Variants in GKAP1 observed in about 807,000 individuals in gnomAD.
The protein encoded by GKAP1 is G kinase-anchoring protein 1.
A neutral mutation model predicts 56.7 loss-of-function variants in GKAP1; 31 were observed. The ratio of observed to expected loss-of-function variants is 0.55; its 90% CI spans 0.41 to 0.74. GKAP1 has a LOEUF of 0.74. Ranked by LOEUF, GKAP1 falls within the 30% of genes least tolerant of loss-of-function variation. GKAP1 has a pLI of 0.00. For synonymous variants in GKAP1, 151 were observed against 138.6 expected (o/e 1.09, Z -0.63); for missense variants, 364 against 402.3 (o/e 0.90, Z 0.82).
At chr9:83,761,105 A>G (rs1002871225) in intron 8 of GKAP1, among the ~76,000 whole-genome samples, 5 of 151,830 alleles carry the variant, frequency 3.3e-5, no homozygotes, top group Non-Finnish European at 7.4e-5. Flanking sequence ...TTTTTTGAAA[A>G]ATTAAACTTG....
At chr9:83,803,772 G>A (rs1442955416) in intron 3 of GKAP1, among the ~76,000 whole-genome samples, 4 of 150,068 alleles carry the variant, frequency 2.7e-5, no homozygotes, top group Non-Finnish European at 5.9e-5. Context: ...AGTGAGGAGC[G>A]TCTCTGCCCG....
chr9:83,757,323 G>A (rs1943494053), intron 8 of GKAP1, among the ~76,000 whole-genome samples: 1 of 152,172 alleles, frequency 6.6e-6, no homozygotes, highest in Non-Finnish European at 1.5e-5. Flanking sequence ...AGTTAATTAA[G>A]TTAAGGATAT....
chr9:83,796,625 G>A (rs1373280570), intron 4 of GKAP1, among the ~76,000 whole-genome samples: 2 of 151,856 alleles, frequency 1.3e-5, no homozygotes, highest in Non-Finnish European at 1.5e-5. Flanking sequence ...GCACCATCAC[G>A]CCTGGCTAAT....
intron 5 of GKAP1, among the ~76,000 whole-genome samples, chr9:83,785,187 CA>C (rs1226105807): frequency 6.6e-6 from 1 of 151,980 alleles, no homozygotes; most frequent in Non-Finnish European, 1.5e-5. Context: ...AAGTTAAGGT[CA>C]ATCTCCTCTT....
At chr9:83,747,274 T>C (rs563452766) in intron 10 of GKAP1, among the ~76,000 whole-genome samples, 293 of 152,342 alleles carry the variant, frequency 1.9e-3, no homozygotes, top group African/African-American at 6.3e-3. Flanking sequence ...GGCTTTTGTA[T>C]ATCAGCTTTA....
At chr9:83,744,682 G>T (rs1005749289) in intron 10 of GKAP1, among the ~76,000 whole-genome samples, 2 of 152,076 alleles carry the variant, frequency 1.3e-5, no homozygotes, top group African/African-American at 4.8e-5. Context: ...AGTATTGTGG[G>T]GATTTTTTGT....
intron 8 of GKAP1, among the ~76,000 whole-genome samples, chr9:83,768,100 G>A (rs1459698371): frequency 6.6e-6 from 1 of 152,160 alleles, no homozygotes; most frequent in Admixed American, 6.6e-5. Flanking sequence ...TTGCCCTGTT[G>A]TAAAGGATAA....
At chr9:83,774,074 T>C (rs1587711777) in intron 7 of GKAP1, among the ~76,000 whole-genome samples, 2 of 152,052 alleles carry the variant, frequency 1.3e-5, no homozygotes, top group Middle Eastern at 6.8e-3. Context: ...TTCACCACAT[T>C]GGCCAGGCTG....
chr9:83,789,801 C>T (rs1944125213), intron 4 of GKAP1, among the ~76,000 whole-genome samples: 1 of 152,032 alleles, frequency 6.6e-6, no homozygotes, highest in Admixed American at 6.6e-5. Flanking sequence ...TGATAACCCT[C>T]GAAAAATGAC....
intron 9 of GKAP1, among the ~76,000 whole-genome samples, chr9:83,749,767 T>G (rs935351515): frequency 1.8e-4 from 19 of 102,950 alleles, no homozygotes; most frequent in Non-Finnish European, 3.5e-4. Context: ...TCCATTAAAT[T>G]GTTGATGATA....
chr9:83,797,028 A>G (rs1944259262), intron 4 of GKAP1, among the ~76,000 whole-genome samples: 1 of 152,102 alleles, frequency 6.6e-6, no homozygotes, highest in Non-Finnish European at 1.5e-5. Flanking sequence ...TGTGGCAGAA[A>G]CTTTTCTTCC....
At chr9:83,752,808 T>C (rs145676459) in intron 9 of GKAP1, among the ~76,000 whole-genome samples, 15 of 152,054 alleles carry the variant, frequency 9.9e-5, no homozygotes, top group Non-Finnish European at 1.9e-4. Context: ...CGGTGGCTCA[T>C]GCCTGTAATC....
At chr9:83,770,686 T>C (rs1379932870) in intron 7 of GKAP1, among the ~76,000 whole-genome samples, 1 of 151,924 alleles carries the variant, frequency 6.6e-6, no homozygotes, top group African/African-American at 2.4e-5. Flanking sequence ...CTCAGCCTCC[T>C]GAGTAGCTGG....
At chr9:83,806,965 C>G (rs922003329) in intron 2 of GKAP1, among the ~76,000 whole-genome samples, 9 of 151,940 alleles carry the variant, frequency 5.9e-5, no homozygotes, top group Non-Finnish European at 1.2e-4. Flanking sequence ...TCCCAACTTC[C>G]AATACAAGAA....
At position 83,768,814 on chromosome 9, in the gene GKAP1, A is replaced by G. The variant is rs201447300; in HGVS notation, c.738+4T>C. The stretch of plus-strand genomic sequence containing the variant: ...ATTTTAAGAGAATTTTCTACTTTAC[A>G]TGCCTGGTTGTGTTCATGAGCTGTA... On this transcript the variant is annotated splice_donor_region_variant and intron_variant, in intron 8 of 12. Coordinates refer to ENST00000376371, the MANE Select transcript of GKAP1 (RefSeq NM_025211.4). 1.4e-3 allele frequency: 2,190 copies of G among 1,605,976 alleles called. 1 individual carries two copies. The highest frequency in any genetic ancestry group is 1.6e-3 in the Non-Finnish European group (1,859 of 1,178,020).
rs1564199151 is a variant in GKAP1 at position 83,774,701 on chromosome 9, C to CTTTTT, written c.585+5680_585+5681insAAAAA. Among the ~76,000 whole-genome samples the CTTTTT allele has an allele frequency of 2.5e-4, 25 of 100,970 alleles. 6 individuals carry two copies. Among genetic ancestry groups the CTTTTT allele is most frequent in the East Asian group, 9.7e-4 (3 of 3,100 alleles). The allele number at this position is 100,970 out of a possible 152,430, so 66.2% of individuals were successfully genotyped here. ...AGAAACTATCAATAAACAGAAACCC[C>CTTTTT]CTTTTTTTTTTTTTTTTTTTTTTTT... On this transcript the variant is annotated intron_variant, in intron 7 of 12. Transcript: ENST00000376371.
At chr9:83,766,925 A>G (rs1177128562) in intron 8 of GKAP1, among the ~76,000 whole-genome samples, 1 of 152,220 alleles carries the variant, frequency 6.6e-6, no homozygotes, top group African/African-American at 2.4e-5. Flanking sequence ...CTGGCAAGAA[A>G]GGAATCACAG....
intron 2 of GKAP1, among the ~76,000 whole-genome samples, chr9:83,809,776 A>G (rs1944482769): frequency 6.6e-6 from 1 of 152,238 alleles, no homozygotes; most frequent in Admixed American, 6.5e-5. Context: ...AGAAAGGTCA[A>G]TTGAATTTGA....
intron 4 of GKAP1, among the ~76,000 whole-genome samples, chr9:83,791,202 A>C (rs1944152508): frequency 6.6e-6 from 1 of 152,158 alleles, no homozygotes; most frequent in Non-Finnish European, 1.5e-5. Flanking sequence ...GGAGATCAAG[A>C]CCATCCTGGC....
Sources: allele counts gnomAD v4.1 joint callset (sites outside exome capture counted in the v4.1 genomes callset), GRCh38; gene constraint gnomAD v4.1.1; transcripts MANE v1.5; gene names NCBI Gene and HGNC (gene_info 2026-07-23, HGNC 2026-07-21).